Variants in CPS1 observed in about 807,000 individuals in gnomAD.
CPS1 encodes carbamoyl-phosphate synthase 1, also known as carbamoyl-phosphate synthase [ammonia], mitochondrial.
Under a neutral mutation model 174.6 loss-of-function variants are expected in CPS1, and 109 were observed. The observed-to-expected ratio is 0.62, with a 90% CI of 0.53 to 0.73. The LOEUF (loss-of-function observed/expected upper bound fraction) is 0.73. Ranked by LOEUF, CPS1 falls within the 30% of genes least tolerant of loss-of-function variation. CPS1 has a pLI of 0.00. For missense variants in CPS1, 1,689 were observed against 1,821.9 expected (o/e 0.93, Z 1.33); for synonymous variants, 637 against 632.0 (o/e 1.01, Z -0.12).
chr2:210,527,394 C>A (rs1268661867), intron 1 of CPS1, among the ~76,000 whole-genome samples: 1 of 151,876 alleles, frequency 6.6e-6, no homozygotes, highest in East Asian at 1.9e-4. Context: ...AAGAGATCAC[C>A]TAGTCTAGTG....
intron 21 of CPS1, among the ~76,000 whole-genome samples, chr2:210,620,969 G>A (rs1699502930): frequency 6.6e-6 from 1 of 152,092 alleles, no homozygotes; most frequent in Admixed American, 6.6e-5. Flanking sequence ...CCTGAATATA[G>A]TAGCAATGGC....
chr2:210,654,147 T>C (rs757193252), intron 29 of CPS1, 45 bp downstream of exon 29: 3 of 1,539,232 alleles, frequency 1.9e-6, no homozygotes, highest in Non-Finnish European at 2.7e-6. Flanking sequence ...CTTCTCATCA[T>C]TTTTTTCTTT....
At chr2:210,531,446 A>C (rs762655366) in intron 1 of CPS1, among the ~76,000 whole-genome samples, 3 of 152,142 alleles carry the variant, frequency 2.0e-5, no homozygotes, top group Non-Finnish European at 4.4e-5. Flanking sequence ...ACTGAACAAT[A>C]AAAGTAATCA....
At chr2:210,612,617 T>C (rs2105859912) in intron 20 of CPS1, among the ~76,000 whole-genome samples, 1 of 152,094 alleles carries the variant, frequency 6.6e-6, no homozygotes, top group African/African-American at 2.4e-5. Flanking sequence ...TATATTGACT[T>C]GTCCTTTACT....
chr2:210,637,734 C>T lies in CPS1; in HGVS notation c.2720C>T (p.Ala907Val). Residue 907 changes from alanine to valine, a missense_variant, in exon 22 of 38, where the codon GCA becomes GTA. By Grantham distance (64) the Ala-to-Val change is moderately conservative (BLOSUM62 0). Coordinates refer to ENST00000233072, the MANE Select transcript of CPS1 (RefSeq NM_001875.5). Reference sequence around the variant, plus strand: ...ATGACAGAAGAAACCCTGAAAAGGGCAAAGGAGATTGGGTTCTCAGATAAG... The same window carrying T: ...ATGACAGAAGAAACCCTGAAAAGGGTAAAGGAGATTGGGTTCTCAGATAAG... ...ESMTEETLKR[A>V]KEIGFSDKQI... 1 of 1,613,964 alleles carries T rather than the reference C, an allele frequency of 6.2e-7. No homozygotes were observed. The highest frequency in any genetic ancestry group is 8.5e-7 in the Non-Finnish European group (1 of 1,179,920).
chr2:210,592,772 C>G (rs1698350797), intron 10 of CPS1, 107 bp from the exon 11 acceptor site: 2 of 1,105,212 alleles, frequency 1.8e-6, no homozygotes, highest in Non-Finnish European at 2.8e-6. Context: ...TGTTAAGCAT[C>G]TAACTCAGTT....
At chr2:210,588,011 C>A in intron 6 of CPS1, 47 bp from the exon 7 acceptor site, 4 of 1,559,272 alleles carry the variant, frequency 2.6e-6, no homozygotes, top group South Asian at 2.2e-5. Flanking sequence ...TGGTCTGTTG[C>A]CCATAGCTGG....
chr2:210,523,060 G>A (rs905232259), intron 1 of CPS1, among the ~76,000 whole-genome samples: 2 of 151,960 alleles, frequency 1.3e-5, no homozygotes, highest in Admixed American at 6.6e-5. Flanking sequence ...GAGATCCAGG[G>A]TAAAGTCCTG....
At chr2:210,534,915 G>A (rs1696207482) in intron 1 of CPS1, among the ~76,000 whole-genome samples, 1 of 152,150 alleles carries the variant, frequency 6.6e-6, no homozygotes, top group Non-Finnish European at 1.5e-5. Context: ...TTTGGTCCTT[G>A]CAGACTTTTG....
intron 32 of CPS1, among the ~76,000 whole-genome samples, chr2:210,662,084 T>C (rs1232155624): frequency 1.3e-5 from 2 of 151,310 alleles, no homozygotes; most frequent in Non-Finnish European, 2.9e-5. Flanking sequence ...CCCAGCTAAT[T>C]TTTGCATTTT....
At chr2:210,554,140 T>C (rs1171697701), upstream of CPS1, among the ~76,000 whole-genome samples, 2 of 141,716 alleles carry the variant, frequency 1.4e-5, no homozygotes, top group Admixed American at 7.3e-5. Context: ...CATACATATA[T>C]ATATGTATAT....
chr2:210,677,137 G>A lies in CPS1; in HGVS notation c.4404+1G>A, dbSNP rs1278381406. On this transcript the variant is annotated splice_donor_variant, in intron 37 of 37. Coordinates refer to ENST00000233072, the MANE Select transcript of CPS1 (RefSeq NM_001875.5). LOFTEE classifies it high-confidence loss of function. ...AATCCCTCTCCTCACTAATTTTCAG[G>A]TATAGTCTTTTCCTTGGATATAGAC... 4 of 1,613,762 alleles carry A rather than the reference G, an allele frequency of 2.5e-6. No homozygotes were observed. Among genetic ancestry groups the A allele is most frequent in the Non-Finnish European group, 3.4e-6 (4 of 1,179,716 alleles).
At chr2:210,658,513 A>C (rs1383339452) in intron 30 of CPS1, 86 bp from the exon 31 acceptor site, 2 of 984,698 alleles carry the variant, frequency 2.0e-6, no homozygotes, top group Non-Finnish European at 1.6e-6. Flanking sequence ...AAGACATCCA[A>C]ATTTAAGGTA....
Position 210,648,511 on chromosome 2 carries a change from C to A in CPS1, c.3375C>A (p.Pro1125=). ...ALEFAKSVDY[P]CLLRPSYVLS... ...AATTTGCAAAGTCTGTGGACTACCC[C>A]TGCTTGTTGAGGCCTTCCTATGTTT... The change falls in exon 27 of 38, where the codon CCC becomes CCA. Residue 1125 remains proline (P), a synonymous_variant. Coordinates refer to ENST00000233072, the MANE Select transcript of CPS1 (RefSeq NM_001875.5). 1 of 1,613,666 alleles carries A rather than the reference C, an allele frequency of 6.2e-7. No individual in the cohort carries two copies. The highest frequency in any genetic ancestry group is 8.5e-7 in the Non-Finnish European group (1 of 1,179,742).
intron 1 of CPS1, among the ~76,000 whole-genome samples, chr2:210,489,522 G>A (rs1694816650): frequency 6.6e-6 from 1 of 152,124 alleles, no homozygotes. Flanking sequence ...ATGTAAGTAG[G>A]AAGGAAAGTT....
rs78557553 is a variant in CPS1 at position 210,544,310 on chromosome 2, T to C, written c.4-12409T>C. 3.7e-4 allele frequency among the ~76,000 whole-genome samples: 57 copies of C among 152,242 alleles called. No individual in the cohort carries two copies. In the East Asian group the frequency reaches 0.011, roughly 30 times the overall value. On this transcript the variant is annotated intron_variant, in intron 1 of 38. Coordinates refer to the CPS1 transcript ENST00000430249. ...ATTCTTTCTCTGCACACAGCTCATT[T>C]GATGAGGTACATCTTTAGGCCAAGA...
intron 1 of CPS1, among the ~76,000 whole-genome samples, chr2:210,505,538 G>C (rs891233168): frequency 6.6e-6 from 1 of 152,070 alleles, no homozygotes; most frequent in Non-Finnish European, 1.5e-5. Flanking sequence ...ATCAGACAGT[G>C]GGTGCAGGAC....
chr2:210,585,180 C>A, intron 6 of CPS1, among the ~76,000 whole-genome samples: 1 of 152,094 alleles, frequency 6.6e-6, no homozygotes, highest in East Asian at 1.9e-4. Flanking sequence ...ATCCCCAGCA[C>A]TGCCTATAGT....
intron 30 of CPS1, 74 bp from the exon 31 acceptor site, chr2:210,658,525 T>A (rs1700799244): frequency 8.9e-7 from 1 of 1,124,598 alleles, no homozygotes; most frequent in South Asian, 1.3e-5. Context: ...TTTAAGGTAC[T>A]GTGCCTTTTA....
Sources: gnomAD v4.1 joint callset for allele counts (sites outside exome capture counted in the v4.1 genomes callset) on GRCh38, gnomAD v4.1.1 for gene constraint, MANE v1.5 for transcripts, NCBI Gene and HGNC (gene_info 2026-07-23, HGNC 2026-07-21) for gene names.